Variants in DOCK2 observed in about 807,000 individuals in gnomAD.
DOCK2 encodes dedicator of cytokinesis protein 2.
DOCK2 carries 87 observed loss-of-function variants against 248.9 expected under a neutral mutation model. That is an observed-to-expected ratio of 0.35 (90% CI 0.29 to 0.42). DOCK2 has a LOEUF of 0.42. Ranked by LOEUF, DOCK2 falls within the 10% of genes least tolerant of loss-of-function variation. The pLI is 1.00. For missense variants in DOCK2, 1,747 were observed against 2,300.2 expected, an observed-to-expected ratio of 0.76 and a Z score of 4.92; for synonymous variants, 805 against 821.6, an observed-to-expected ratio of 0.98 and a Z score of 0.35.
intron 11 of DOCK2, among the ~76,000 whole-genome samples, chr5:169,698,799 T>C (rs1760787345): frequency 6.6e-6 from 1 of 152,224 alleles, no homozygotes; most frequent in Non-Finnish European, 1.5e-5. Context: ...AAAAGATTAA[T>C]GCATTAATTA....
At chr5:170,007,420 A>C (rs917821593) in intron 30 of DOCK2, among the ~76,000 whole-genome samples, 1 of 152,216 alleles carries the variant, frequency 6.6e-6, no homozygotes, top group Non-Finnish European at 1.5e-5. Flanking sequence ...GGAATAAGGA[A>C]AAGCACAACA....
rs569391886 is a variant in DOCK2 at position 170,055,227 on chromosome 5, G to T, written c.4214-78G>T. ...TGGCCCCATAAAGGCTGGCCTGGAA[G>T]GTCTCAGCAAGGACCAGCTATACTT... On this transcript the variant is annotated intron_variant, in intron 41 of 51. Transcript: ENST00000520908. 1.8e-5 allele frequency: 25 copies of T among 1,411,768 alleles called. No individual in the cohort carries two copies. The East Asian group carries it at 5.8e-4, about 33-fold the overall frequency. The allele number at this position is 1,411,768 out of a possible 1,614,324, so 87.5% of individuals were successfully genotyped here. A position where few individuals can be genotyped will look rare whatever the true frequency, so the allele number is the denominator to read the frequency against.
In DOCK2 at chr5:169,774,163, C is replaced by T. The variant is rs79641107; in HGVS notation, c.2554+12538C>T. Among the ~76,000 whole-genome samples, 441 of 152,142 alleles carry T rather than the reference C, an allele frequency of 2.9e-3. 20 individuals are homozygous for T. The East Asian group carries it at 0.069, about 24-fold the overall frequency. On this transcript the variant is annotated intron_variant, in intron 25 of 51. Transcript: ENST00000520908. ...AGAATAGAAGGAAATTTCCTGAAGA[C>T]GACAATACAGTTGAATTGAAAATTT...
At chr5:169,903,022 A>G (rs1049541038) in intron 27 of DOCK2, among the ~76,000 whole-genome samples, 15 of 151,922 alleles carry the variant, frequency 9.9e-5, no homozygotes, top group African/African-American at 3.6e-4. Context: ...CGCTTGAACA[A>G]AGGAGGTGGA....
At chr5:169,975,197 G>A (rs1777673621) in intron 27 of DOCK2, among the ~76,000 whole-genome samples, 1 of 152,216 alleles carries the variant, frequency 6.6e-6, no homozygotes, top group South Asian at 2.1e-4. Flanking sequence ...ATGAGGAAGA[G>A]TCAACATTTA....
In DOCK2 at chr5:170,081,968, A is replaced by G. The variant is rs1347566315; in HGVS notation, c.5414A>G (p.Gln1805Arg). The G allele has an allele frequency of 1.9e-6, 3 of 1,613,910 alleles. No homozygotes were observed. The highest frequency in any genetic ancestry group is 2.5e-6 in the Non-Finnish European group (3 of 1,179,928). ...KKTLTRKKVN[Q>R]FFKTMLASKS... is the part of the protein sequence containing the mutation. ...ACACTCACACGGAAGAAGGTCAATC[A>G]GTTCTTCAAGACAATGGTGAGGACA... Residue 1805 changes from glutamine (Q) to arginine (R), a missense_variant, in exon 51 of 52, where the codon CAG becomes CGG. Coordinates refer to ENST00000520908, the MANE Select transcript of DOCK2 (RefSeq NM_004946.3).
intron 29 of DOCK2, among the ~76,000 whole-genome samples, chr5:169,991,580 T>C (rs1455468691): frequency 6.6e-6 from 1 of 152,194 alleles, no homozygotes; most frequent in African/African-American, 2.4e-5. Context: ...AGACCACCCA[T>C]GGGCTGCTGG....
chr5:169,672,286 G>A (rs955139986), intron 5 of DOCK2, among the ~76,000 whole-genome samples: 3 of 152,138 alleles, frequency 2.0e-5, no homozygotes. Flanking sequence ...GAGATTACAG[G>A]CATGAGCCAC....
intron 36 of DOCK2, chr5:170,040,759 A>G (rs943846649): frequency 3.1e-6 from 1 of 317,924 alleles, no homozygotes; most frequent in Non-Finnish European, 5.3e-6. Flanking sequence ...TAACTTATCC[A>G]GGCAATAGTT....
At chr5:169,788,812 G>A (rs6865703) in intron 25 of DOCK2, among the ~76,000 whole-genome samples, 21,630 of 152,124 alleles carry the variant, frequency 0.14, 2,633 homozygotes, top group African/African-American at 0.33. Context: ...GGGGCACTGA[G>A]CATAATTTGA....
chr5:169,669,233 C>A, intron 2 of DOCK2, 55 bp from the exon 3 acceptor site: 1 of 1,566,174 alleles, frequency 6.4e-7, no homozygotes, highest in Middle Eastern at 1.7e-4. Flanking sequence ...CAGAAAAACA[C>A]TAGCAACAAA....
chr5:169,740,145 A>G (rs1763236480), intron 22 of DOCK2, among the ~76,000 whole-genome samples: 1 of 152,246 alleles, frequency 6.6e-6, no homozygotes, highest in Non-Finnish European at 1.5e-5. Flanking sequence ...CACACTGTTC[A>G]TAACTTAAAG....
At chr5:170,004,564 T>C (rs1754950567) in intron 30 of DOCK2, among the ~76,000 whole-genome samples, 1 of 151,894 alleles carries the variant, frequency 6.6e-6, no homozygotes, top group Non-Finnish European at 1.5e-5. Flanking sequence ...ATCCCATTAC[T>C]GGGTATATAC....
intron 27 of DOCK2, among the ~76,000 whole-genome samples, chr5:169,874,611 C>T (rs552651792): frequency 8.5e-5 from 13 of 152,184 alleles, no homozygotes; most frequent in East Asian, 5.8e-4. Context: ...ACCTTTTACA[C>T]GTGTCTGCTG....
chr5:169,699,576 A>G (rs1760840247), intron 12 of DOCK2, 118 bp downstream of exon 12: 2 of 978,504 alleles, frequency 2.0e-6, no homozygotes, highest in Admixed American at 2.7e-5. Flanking sequence ...CAGACAGACC[A>G]CTGGGAAGAA....
intron 27 of DOCK2, among the ~76,000 whole-genome samples, chr5:169,979,560 C>G (rs1294789623): frequency 6.6e-6 from 1 of 152,168 alleles, no homozygotes; most frequent in Non-Finnish European, 1.5e-5. Context: ...TTCAGGTTAT[C>G]AATCATTCAC....
intron 30 of DOCK2, among the ~76,000 whole-genome samples, chr5:170,003,383 CT>C (rs1183495428): frequency 1.3e-5 from 2 of 152,262 alleles, no homozygotes; most frequent in Non-Finnish European, 2.9e-5. Flanking sequence ...GTGCTCTTGA[CT>C]ACCAGACAGT....
intron 25 of DOCK2, among the ~76,000 whole-genome samples, chr5:169,765,792 G>A (rs996401217): frequency 2.0e-5 from 3 of 146,660 alleles, no homozygotes; most frequent in Non-Finnish European, 3.0e-5. Flanking sequence ...TCAGCTGGTG[G>A]GTTTTTTTCA....
chr5:170,039,092 C>G (rs1045426562), intron 36 of DOCK2, among the ~76,000 whole-genome samples: 1 of 152,234 alleles, frequency 6.6e-6, no homozygotes, highest in African/African-American at 2.4e-5. Flanking sequence ...GCTTCTGGCT[C>G]TGGCTCTTTT....
Sources: allele counts gnomAD v4.1 joint callset (sites outside exome capture counted in the v4.1 genomes callset), GRCh38; gene constraint gnomAD v4.1.1; transcripts MANE v1.5; gene names NCBI Gene and HGNC (gene_info 2026-07-23, HGNC 2026-07-21).